The following CCDC25 variants were observed in gnomAD, a reference collection of about 807,000 sequenced individuals.
The protein encoded by CCDC25 is coiled-coil domain-containing protein 25.
A neutral mutation model predicts 35.3 loss-of-function variants in CCDC25; 16 were observed. That is an observed-to-expected ratio of 0.45 (90% CI 0.31 to 0.69). CCDC25 has a LOEUF of 0.69. CCDC25 is among the 30% of genes least tolerant of loss of function. The pLI, the probability that CCDC25 is intolerant of heterozygous loss-of-function variation, is 0.06. For synonymous variants in CCDC25, 79 were observed against 80.3 expected, an observed-to-expected ratio of 0.98 and a Z score of 0.09; for missense variants, 179 against 250.7, an observed-to-expected ratio of 0.71 and a Z score of 1.93.
At chr8:27,759,342 CATGCCTGTCGTGCCAGCA>C (rs1804130052) in intron 3 of CCDC25, among the ~76,000 whole-genome samples, 5 of 152,194 alleles carry the variant, frequency 3.3e-5, no homozygotes, top group Non-Finnish European at 5.9e-5. Flanking sequence ...CACAGTGGCT[CATGCCTGTCGTGCCAGCA>C]CTTTGGGAGG....
intron 1 of CCDC25, chr8:27,772,137 G>A (rs1804643036): frequency 3.4e-6 from 1 of 293,460 alleles, no homozygotes. Context: ...ATAATTACAA[G>A]GGTTCAGCCA....
intron 1 of CCDC25, 105 bp downstream of exon 1, chr8:27,772,408 C>A: frequency 8.6e-7 from 1 of 1,169,322 alleles, no homozygotes; most frequent in Non-Finnish European, 1.2e-6. Flanking sequence ...GCACTCGCAT[C>A]CAGAAGGCAT....
intron 7 of CCDC25, among the ~76,000 whole-genome samples, chr8:27,743,292 C>T (rs1309940972): frequency 6.6e-6 from 1 of 152,186 alleles, no homozygotes; most frequent in African/African-American, 2.4e-5. Flanking sequence ...ACTCTGGTTC[C>T]CTTTACAATC....
rs769552214 is a variant in CCDC25, at chr8:27,752,493, C to T, written c.244+19G>A. 3.7e-6 allele frequency: 6 copies of T among 1,600,664 alleles called. No homozygotes were observed. The South Asian group carries it at 5.5e-5, about 15-fold the overall frequency. On this transcript the variant is annotated intron_variant, in intron 5 of 8. Coordinates refer to ENST00000356537, the MANE Select transcript of CCDC25 (RefSeq NM_018246.3). The stretch of plus-strand genomic sequence containing the variant: ...AGAAAGTCCGTGCTAATTCTAAAAA[C>T]ACCTCTAGGAAAACTGACCTTGAAT...
chr8:27,753,971 T>C (rs1454194860), intron 4 of CCDC25, among the ~76,000 whole-genome samples: 3 of 152,334 alleles, frequency 2.0e-5, no homozygotes, highest in African/African-American at 7.2e-5. Flanking sequence ...GTTTTATTTT[T>C]ATTTTTTAAG....
chr8:27,758,743 A>G (rs1808869), intron 3 of CCDC25, among the ~76,000 whole-genome samples: 133,204 of 152,206 alleles, frequency 0.88, 58,435 homozygotes, highest in Non-Finnish European at 0.9. Context: ...TGTACCTATA[A>G]TAGATTGAAT....
intron 7 of CCDC25, among the ~76,000 whole-genome samples, chr8:27,743,451 T>C (rs917583507): frequency 3.3e-5 from 5 of 152,236 alleles, no homozygotes; most frequent in African/African-American, 9.6e-5. Flanking sequence ...CAAGTGCCCA[T>C]TGACCTCTGC....
chr8:27,770,459 C>T (rs1049319602), intron 1 of CCDC25, among the ~76,000 whole-genome samples: 2 of 150,544 alleles, frequency 1.3e-5, no homozygotes, highest in African/African-American at 4.9e-5. Flanking sequence ...ACCTTTAGAC[C>T]GGGCGCAGTG....
At chr8:27,739,635 T>C (rs1331929888) in intron 8 of CCDC25, among the ~76,000 whole-genome samples, 1 of 152,232 alleles carries the variant, frequency 6.6e-6, no homozygotes, top group Non-Finnish European at 1.5e-5. Flanking sequence ...GATGTGCATA[T>C]GTTATATGCA....
intron 2 of CCDC25, among the ~76,000 whole-genome samples, chr8:27,764,818 A>G (rs1288039593): frequency 6.6e-6 from 1 of 152,190 alleles, no homozygotes; most frequent in East Asian, 1.9e-4. Context: ...CTTCGACAGC[A>G]TTTACTATTC....
rs377479586 is a variant in CCDC25, at chr8:27,770,869, GAAC to G, written c.28+1641_28+1643del. ...CATTTATTCAACAAGCATTTATTGA[GAAC>G]TACTAACCAGTCACTACGTTAGGGA... On this transcript the variant is annotated intron_variant, in intron 1 of 8. Coordinates refer to ENST00000356537, the MANE Select transcript of CCDC25 (RefSeq NM_018246.3). Among the ~76,000 whole-genome samples the G allele has an allele frequency of 7.9e-3, 1,195 of 152,174 alleles. 14 individuals carry two copies. Among genetic ancestry groups the G allele is most frequent in the African/African-American group, 0.027 (1,131 of 41,506 alleles).
At chr8:27,770,370 TA>T (rs1414901366) in intron 1 of CCDC25, among the ~76,000 whole-genome samples, 1 of 152,110 alleles carries the variant, frequency 6.6e-6, no homozygotes, top group Non-Finnish European at 1.5e-5. Flanking sequence ...GAGGTTGCAG[TA>T]AGCTGAGATC....
At chr8:27,748,672 C>A in intron 5 of CCDC25, 74 bp from the exon 6 acceptor site, 1 of 1,062,498 alleles carries the variant, frequency 9.4e-7, no homozygotes. Context: ...CACTGGCAAA[C>A]TGCCATAAGC....
In CCDC25 at chr8:27,734,780, C is replaced by T. The variant is rs1803160171; in HGVS notation, c.*1436G>A. The T allele has an allele frequency of 6.6e-6, 1 of 152,204 alleles. No homozygotes were observed. Among genetic ancestry groups the T allele is most frequent in the Non-Finnish European group, 1.5e-5 (1 of 68,056 alleles). 9.4% of individuals were successfully genotyped at this position (152,204 alleles called of 1,614,324 possible). A position where few individuals can be genotyped will look rare whatever the true frequency, so the allele number is the denominator to read the frequency against. On this transcript the variant is annotated 3_prime_UTR_variant, in exon 9 of 9. Transcript: ENST00000356537. The stretch of plus-strand genomic sequence containing the variant: ...ACAGAGGAATTCTGTAGAAGCCGGA[C>T]TCCTTGGAAGTATGGAAGGAGCACA...
intron 7 of CCDC25, 155 bp downstream of exon 7, chr8:27,747,922 C>A (rs879406196): frequency 1.5e-6 from 1 of 663,858 alleles, no homozygotes; most frequent in Non-Finnish European, 2.6e-6. Flanking sequence ...AATATAAATG[C>A]CTTTTTTTAA....
At chr8:27,740,884 G>C (rs572225725) in intron 7 of CCDC25, among the ~76,000 whole-genome samples, 19 of 152,220 alleles carry the variant, frequency 1.2e-4, no homozygotes, top group Non-Finnish European at 1.8e-4. Flanking sequence ...GATTGTAAAC[G>C]CTACAGGAAT....
intron 3 of CCDC25, 112 bp downstream of exon 3, chr8:27,762,307 C>T: frequency 1.2e-6 from 1 of 866,224 alleles, no homozygotes; most frequent in South Asian, 1.5e-5. Flanking sequence ...AGCTGTTTAA[C>T]CCTGAAGACC....
chr8:27,763,100 T>C (rs1329655198), intron 2 of CCDC25, among the ~76,000 whole-genome samples: 1 of 152,176 alleles, frequency 6.6e-6, no homozygotes, highest in Admixed American at 6.5e-5. Context: ...ATTTGTTAGA[T>C]ACAAATAAAA....
At chr8:27,739,057 T>C (rs1322323245) in intron 8 of CCDC25, among the ~76,000 whole-genome samples, 1 of 152,186 alleles carries the variant, frequency 6.6e-6, no homozygotes, top group Non-Finnish European at 1.5e-5. Context: ...TGATGAATAC[T>C]CCCTCAGAGA....
Sources: gnomAD v4.1 joint callset for allele counts (sites outside exome capture counted in the v4.1 genomes callset) on GRCh38, gnomAD v4.1.1 for gene constraint, MANE v1.5 for transcripts, NCBI Gene and HGNC (gene_info 2026-07-23, HGNC 2026-07-21) for gene names.